Variants in MORN4 observed in about 807,000 individuals in gnomAD.
MORN4 encodes MORN repeat containing 4.
A neutral mutation model predicts 16.4 loss-of-function variants in MORN4; 8 were observed. That is an observed-to-expected ratio of 0.49 (90% CI 0.29 to 0.88). The LOEUF (loss-of-function observed/expected upper bound fraction) is 0.88. MORN4 is among the 40% of genes least tolerant of loss of function. The pLI is 0.09. For synonymous variants in MORN4, 53 were observed against 68.9 expected (o/e 0.77, Z 1.14); for missense variants, 159 against 182.9 (o/e 0.87, Z 0.75).
At chr10:97,619,094 G>A (rs1328563653) in intron 2 of MORN4, among the ~76,000 whole-genome samples, 5 of 152,218 alleles carry the variant, frequency 3.3e-5, no homozygotes, top group African/African-American at 2.4e-5. Context: ...GGAGGCCGAG[G>A]TGGGCAGATC....
At chr10:97,618,048 G>A (rs539439241) in intron 2 of MORN4, among the ~76,000 whole-genome samples, 8 of 150,620 alleles carry the variant, frequency 5.3e-5, no homozygotes, top group Non-Finnish European at 1.2e-4. Flanking sequence ...TGGTGGTGGC[G>A]CGCTCCTGTA....
Position 97,615,197 on chromosome 10 carries a change from CG to C in MORN4, c.*1065del, listed in dbSNP as rs941878240. 1.3e-5 allele frequency: 2 copies of C among 152,560 alleles called. No homozygotes were observed. The highest frequency in any genetic ancestry group is 2.9e-5 in the Non-Finnish European group (2 of 68,048). 9.5% of individuals were successfully genotyped at this position (152,560 alleles called of 1,614,324 possible). A position where few individuals can be genotyped will look rare whatever the true frequency, so the allele number is the denominator to read the frequency against. On this transcript the variant is annotated 3_prime_UTR_variant, in exon 5 of 5. Coordinates refer to ENST00000307450, the MANE Select transcript of MORN4 (RefSeq NM_178832.4). ...AATAGCACTCTTACCGAATCCTTCA[CG>C]GGGACATAGGCAGGAATGAATACCA... is the stretch of plus-strand genomic sequence containing the variant.
chr10:97,616,847 T>A, intron 3 of MORN4, 60 bp from the exon 4 acceptor site: 1 of 1,167,752 alleles, frequency 8.6e-7, no homozygotes, highest in Non-Finnish European at 1.3e-6. Context: ...ATGAACGGAG[T>A]CGAGCAGCTG....
Position 97,616,326 on chromosome 10 carries a change from C to T in MORN4, c.378G>A (p.Lys126=). 1 of 1,613,470 alleles carries T rather than the reference C, an allele frequency of 6.2e-7. No individual in the cohort carries two copies. ...FENNKLLRRE[K]CSAIVQRAQS... The stretch of plus-strand genomic sequence containing the variant: ...GGGCCCGCTGAACAATGGCAGAACA[C>T]TTCTCACGTCGCAGCAGCTTGTTGT... Residue 126 remains lysine, a synonymous_variant, in exon 5 of 5, where the codon AAG becomes AAA. Transcript: ENST00000307450.
intron 1 of MORN4, among the ~76,000 whole-genome samples, chr10:97,626,802 G>A (rs1251865481): frequency 7.1e-6 from 1 of 141,554 alleles, no homozygotes; most frequent in African/African-American, 2.7e-5. Context: ...CTGTGGCCCA[G>A]GCTGGAGTGC....
intron 1 of MORN4, among the ~76,000 whole-genome samples, chr10:97,632,212 C>CTTTTTTTT (rs1162979185): frequency 1.4e-4 from 12 of 86,976 alleles, no homozygotes; most frequent in African/African-American, 2.5e-4. Context: ...TAATACTCCC[C>CTTTTTTTT]TTTTTTTTTT....
intron 1 of MORN4, among the ~76,000 whole-genome samples, chr10:97,623,730 CT>C (rs561536784): frequency 0.095 from 13,270 of 139,758 alleles, 1,301 homozygotes; most frequent in African/African-American, 0.24. Flanking sequence ...AGACGGGATT[CT>C]TTTTTTTTTT....
chr10:97,622,782 C>T (rs950327908), intron 1 of MORN4, among the ~76,000 whole-genome samples: 3 of 151,028 alleles, frequency 2.0e-5, no homozygotes, highest in Admixed American at 2.0e-4. Context: ...AATAGTACGT[C>T]ATTTGATAGA....
At chr10:97,633,592 G>T (rs2041416876), upstream of MORN4, 14 of 1,289,568 alleles carry the variant, frequency 1.1e-5, no homozygotes, top group Non-Finnish European at 1.4e-5. This position sits in a 1 kb window ranked among gnomAD's most constrained non-coding sequence, Gnocchi z 4.5. Flanking sequence ...CGCCATCTTT[G>T]TGCGGGGCCG....
chr10:97,617,358 G>A, intron 2 of MORN4, 36 bp from the exon 3 acceptor site: 1 of 1,562,656 alleles, frequency 6.4e-7, no homozygotes, highest in Non-Finnish European at 8.8e-7. Flanking sequence ...AGGTTGGAAG[G>A]AGGCAGCTTC....
intron 1 of MORN4, among the ~76,000 whole-genome samples, chr10:97,625,350 G>A (rs1297017276): frequency 6.6e-6 from 1 of 152,132 alleles, no homozygotes; most frequent in Non-Finnish European, 1.5e-5. Flanking sequence ...CTAAATCTCA[G>A]TCTCCTCATC....
chr10:97,615,398 A>G lies in MORN4; in HGVS notation c.*865T>C, dbSNP rs941851332. On this transcript the variant is annotated 3_prime_UTR_variant, in exon 5 of 5. Transcript: ENST00000307450. ...GGATTTTGAGATGAGCCTGAGCCACATAGCAAGACCCTGGCTCAATTTTTT... is the reference window on the plus strand; with the variant it reads ...GGATTTTGAGATGAGCCTGAGCCACGTAGCAAGACCCTGGCTCAATTTTTT... The G allele has an allele frequency of 6.6e-6, 1 of 152,330 alleles. No homozygotes were observed. Among genetic ancestry groups the G allele is most frequent in the Admixed American group, 6.5e-5 (1 of 15,296 alleles). The allele number at this position is 152,330 out of a possible 1,614,324, so 9.4% of individuals were successfully genotyped here.
chr10:97,633,411 C>T lies in MORN4; in HGVS notation c.-95G>A, dbSNP rs547491506. The stretch of plus-strand genomic sequence containing the variant: ...CAGGGTTCCAGCGCCTCGGACTTTT[C>T]CTCTGATGGGCTCCCGGCTGCCACC... On this transcript the variant is annotated 5_prime_UTR_variant, in exon 1 of 5. Coordinates refer to ENST00000307450, the MANE Select transcript of MORN4 (RefSeq NM_178832.4). The surrounding 1 kb of genome is among the most constrained non-coding windows in gnomAD (Gnocchi z 4.5). The T allele has an allele frequency of 5.9e-4, 766 of 1,289,832 alleles. No homozygotes were observed. Among genetic ancestry groups the T allele is most frequent in the Non-Finnish European group, 7.4e-4 (730 of 988,836 alleles). 79.9% of individuals were successfully genotyped at this position (1,289,832 alleles called of 1,614,324 possible). A position where few individuals can be genotyped will look rare whatever the true frequency, so the allele number is the denominator to read the frequency against.
Position 97,619,509 on chromosome 10 carries a change from T to C in MORN4, c.67+78A>G, listed in dbSNP as rs774126641. ...GAGTTGAAAATGAAGATCCATAAAG[T>C]TGGCTATATATCCTGATGTATTTGT... On this transcript the variant is annotated intron_variant, in intron 2 of 4. Coordinates refer to ENST00000307450, the MANE Select transcript of MORN4 (RefSeq NM_178832.4). 10 of 973,564 alleles carry C rather than the reference T, an allele frequency of 1.0e-5. No homozygotes were observed. In the African/African-American group the frequency reaches 1.3e-4, roughly 12 times the overall value. The allele number at this position is 973,564 out of a possible 1,614,324, so 60.3% of individuals were successfully genotyped here. A position where few individuals can be genotyped will look rare whatever the true frequency, so the allele number is the denominator to read the frequency against.
chr10:97,619,411 C>A, intron 2 of MORN4, 176 bp downstream of exon 2: 2 of 614,646 alleles, frequency 3.3e-6, no homozygotes, highest in South Asian at 2.0e-5. Flanking sequence ...TTAACAATAG[C>A]ATTTTCAAAT....
At chr10:97,617,643 C>T (rs972824241) in intron 2 of MORN4, among the ~76,000 whole-genome samples, 30 of 151,754 alleles carry the variant, frequency 2.0e-4, no homozygotes, top group African/African-American at 7.0e-4. Flanking sequence ...GGGTGGATCA[C>T]GAGGTCAAGA....
chr10:97,619,197 C>T (rs981634355), intron 2 of MORN4, among the ~76,000 whole-genome samples: 3 of 151,860 alleles, frequency 2.0e-5, no homozygotes, highest in Non-Finnish European at 4.4e-5. Flanking sequence ...TGGTGGCAGG[C>T]GCCTGTAATC....
At chr10:97,618,767 G>A (rs546926721) in intron 2 of MORN4, among the ~76,000 whole-genome samples, 1 of 151,500 alleles carries the variant, frequency 6.6e-6, no homozygotes, top group South Asian at 2.1e-4. Flanking sequence ...TAGCTTTAAG[G>A]TGCTAAATGG....
At chr10:97,630,894 C>A (rs1329524870) in intron 1 of MORN4, among the ~76,000 whole-genome samples, 1 of 152,082 alleles carries the variant, frequency 6.6e-6, no homozygotes, top group African/African-American at 2.4e-5. Flanking sequence ...CTCTGTCATC[C>A]AAGCTGGAGT....
Sources: allele counts gnomAD v4.1 joint callset (sites outside exome capture counted in the v4.1 genomes callset), GRCh38; gene constraint gnomAD v4.1.1; non-coding constraint Gnocchi (gnomAD v3.1); transcripts MANE v1.5; gene names NCBI Gene and HGNC (gene_info 2026-07-23, HGNC 2026-07-21).